PRR5: variants seen among roughly 807,000 people sequenced by gnomAD.
PRR5 encodes proline rich 5.
In PRR5, 25 loss-of-function variants were observed where a neutral mutation model predicts 30.6. The ratio of observed to expected loss-of-function variants is 0.82; its 90% CI spans 0.60 to 1.14. The LOEUF (loss-of-function observed/expected upper bound fraction) is 1.14. Among genes scored for constraint, PRR5 ranks in the 50% most tolerant of loss-of-function variants. The pLI, the probability that PRR5 is intolerant of heterozygous loss-of-function variation, is 0.00. For synonymous variants in PRR5, 286 were observed against 247.1 expected, an observed-to-expected ratio of 1.16 and a Z score of -1.48; for missense variants, 600 against 547.1, an observed-to-expected ratio of 1.10 and a Z score of -0.96.
intron 3 of PRR5, among the ~76,000 whole-genome samples, chr22:44,725,997 C>A (rs1229659596): frequency 2.0e-5 from 3 of 152,202 alleles, no homozygotes; most frequent in African/African-American, 7.2e-5. Flanking sequence ...TGGCATAACA[C>A]GGCCTGCGGA....
At chr22:44,671,949 C>T (rs1737847182) in intron 1 of PRR5, among the ~76,000 whole-genome samples, 1 of 152,214 alleles carries the variant, frequency 6.6e-6, no homozygotes, top group Non-Finnish European at 1.5e-5. Flanking sequence ...ATTCTGTAGC[C>T]ACGTGGTCTT....
chr22:44,696,731 A>ATTTATTTATTTATTTT (rs1386415360), intron 1 of PRR5, among the ~76,000 whole-genome samples: 1 of 151,374 alleles, frequency 6.6e-6, no homozygotes, highest in Non-Finnish European at 1.5e-5. Context: ...GTATTTATTT[A>ATTTATTTATTTATTTT]TTTATTTATT....
intron 4 of PRR5, chr22:44,731,027 AG>A: frequency 3.0e-6 from 1 of 328,790 alleles, no homozygotes; most frequent in African/African-American, 2.2e-5. Flanking sequence ...TGTTTGTTGG[AG>A]GGGCAGATAG....
chr22:44,679,272 A>G (rs1924048122), intron 1 of PRR5: 1 of 152,660 alleles, frequency 6.6e-6, no homozygotes, highest in African/African-American at 2.4e-5. Context: ...AATGAAATGT[A>G]CCGAGATGGG....
intron 6 of PRR5, among the ~76,000 whole-genome samples, chr22:44,732,894 C>A (rs565551016): frequency 6.7e-6 from 1 of 148,176 alleles, no homozygotes; most frequent in Non-Finnish European, 1.5e-5. Flanking sequence ...ACACCACACA[C>A]GTGCACACGC....
intron 1 of PRR5, among the ~76,000 whole-genome samples, chr22:44,704,391 T>G (rs1926858803): frequency 6.6e-6 from 1 of 152,090 alleles, no homozygotes; most frequent in Non-Finnish European, 1.5e-5. Context: ...TCACCCAACC[T>G]TGGGTGACCC....
chr22:44,694,375 T>C (rs1225242281), intron 1 of PRR5, among the ~76,000 whole-genome samples: 2 of 152,026 alleles, frequency 1.3e-5, no homozygotes, highest in African/African-American at 4.8e-5. Flanking sequence ...CCATCTCTAC[T>C]AAAAATACAA....
intron 2 of PRR5, among the ~76,000 whole-genome samples, chr22:44,716,036 C>CT (rs1201806025): frequency 6.6e-6 from 1 of 152,240 alleles, no homozygotes; most frequent in Non-Finnish European, 1.5e-5. Context: ...GGACATCCTT[C>CT]TCCCCTGCCC....
intron 1 of PRR5, among the ~76,000 whole-genome samples, chr22:44,703,060 G>A (rs370269916): frequency 6.6e-6 from 1 of 152,162 alleles, no homozygotes; most frequent in African/African-American, 2.4e-5. Flanking sequence ...AGCTCCCTTC[G>A]GCTTTCCCTT....
At chr22:44,732,846 A>ACACGTG (rs1922367289) in intron 6 of PRR5, among the ~76,000 whole-genome samples, 1 of 13,418 alleles carries the variant, frequency 7.5e-5, no homozygotes, top group Non-Finnish European at 3.8e-4. Context: ...ACACACGTGC[A>ACACGTG]CACACGTGCA....
At chr22:44,723,587 G>C (rs1930263184) in intron 2 of PRR5, among the ~76,000 whole-genome samples, 1 of 152,120 alleles carries the variant, frequency 6.6e-6, no homozygotes, top group African/African-American at 2.4e-5. Context: ...GGGCGTGATG[G>C]TATGCGCCTG....
At chr22:44,710,767 C>G (rs565175991) in intron 1 of PRR5, among the ~76,000 whole-genome samples, 103 of 152,216 alleles carry the variant, frequency 6.8e-4, no homozygotes, top group Non-Finnish European at 2.1e-4. Context: ...CTTCTGTAAT[C>G]TGGGGGCTGG....
Position 44,735,078 on chromosome 22 carries a change from C to T in PRR5, c.607C>T (p.Leu203=), listed in dbSNP as rs1248094798. The T allele has an allele frequency of 1.2e-6, 2 of 1,612,104 alleles. No individual in the cohort carries two copies. Among genetic ancestry groups the T allele is most frequent in the East Asian group, 2.2e-5 (1 of 44,882 alleles). ...TGAGGACTACCTGCGCCTGGAGACG[C>T]TGGTCCAGAAGGTGGTGTCGCCATA... ...VTEDYLRLET[L]VQKVVSPYLG... is the part of the protein sequence containing the mutation. The change falls in exon 7 of 8, where the codon CTG becomes TTG. Residue 203 remains leucine (L), a synonymous_variant. Coordinates refer to ENST00000336985, the MANE Select transcript of PRR5 (RefSeq NM_181333.4).
At chr22:44,683,509 C>T (rs1356832882) in intron 1 of PRR5, among the ~76,000 whole-genome samples, 2 of 152,244 alleles carry the variant, frequency 1.3e-5, no homozygotes, top group African/African-American at 2.4e-5. Flanking sequence ...AATGAGGAGC[C>T]CCCTTGGGGC....
intron 1 of PRR5, among the ~76,000 whole-genome samples, chr22:44,692,305 C>T (rs566599618): frequency 4.5e-5 from 6 of 133,692 alleles, no homozygotes; most frequent in African/African-American, 1.1e-4. Flanking sequence ...CTCCCCCTCT[C>T]GGTGCTCCTC....
chr22:44,712,713 C>G (rs550095131), intron 1 of PRR5, among the ~76,000 whole-genome samples: 2 of 152,168 alleles, frequency 1.3e-5, no homozygotes, highest in Non-Finnish European at 2.9e-5. Flanking sequence ...TGGGCAGCAT[C>G]GTGTGGACAG....
In PRR5 at chr22:44,681,355, C is replaced by T. The variant is rs144995525; in HGVS notation, c.-11+4115C>T. ...CTCTAATCCCAGAACTTTGGGAGGC[C>T]GAGGCGGGCAGATCATGAGGTCAGC... On this transcript the variant is annotated intron_variant, in intron 1 of 8. Coordinates refer to the PRR5 transcript ENST00000006251. Among the ~76,000 whole-genome samples the T allele has an allele frequency of 9.2e-3, 1,395 of 152,154 alleles. 21 individuals carry two copies. The highest frequency in any genetic ancestry group is 0.032 in the African/African-American group (1,316 of 41,492).
Position 44,735,065 on chromosome 22 carries a change from G to C in PRR5, c.594G>C (p.Leu198=). 6.2e-7 allele frequency: 1 copy of C among 1,612,460 alleles called. No homozygotes were observed. ...HESRGVTEDY[L]RLETLVQKVV... ...CCAGGGGCGTGACTGAGGACTACCT[G>C]CGCCTGGAGACGCTGGTCCAGAAGG... The change falls in exon 7 of 8, where the codon CTG becomes CTC. Residue 198 remains leucine, a synonymous_variant. Transcript: ENST00000336985.
At chr22:44,693,417 C>T (rs1310372222) in intron 1 of PRR5, among the ~76,000 whole-genome samples, 1 of 151,530 alleles carries the variant, frequency 6.6e-6, no homozygotes, top group African/African-American at 2.4e-5. Flanking sequence ...CATGATCACA[C>T]CACTGCACTT....
Sources: allele counts gnomAD v4.1 joint callset (sites outside exome capture counted in the v4.1 genomes callset), GRCh38; gene constraint gnomAD v4.1.1; transcripts MANE v1.5; gene names NCBI Gene and HGNC (gene_info 2026-07-23, HGNC 2026-07-21).